Variants in KIF16B observed in about 807,000 individuals in gnomAD.
KIF16B encodes kinesin family member 16B, also known as kinesin-like protein KIF16B.
A neutral mutation model predicts 156.3 loss-of-function variants in KIF16B; 98 were observed. That is an observed-to-expected ratio of 0.63 (90% CI 0.53 to 0.74). KIF16B has a LOEUF of 0.74. Among genes scored for constraint, KIF16B ranks in the 30% least tolerant of loss-of-function variants. The probability of loss-of-function intolerance (pLI) is 0.00; values close to 1 mark genes in which losing one functional copy is unlikely to be tolerated. For missense variants in KIF16B, 1,421 were observed against 1,606.5 expected (o/e 0.88, Z 1.97); for synonymous variants, 564 against 583.7 (o/e 0.97, Z 0.49).
intron 17 of KIF16B, among the ~76,000 whole-genome samples, chr20:16,402,170 T>A (rs1364353006): frequency 2.0e-5 from 3 of 152,122 alleles, no homozygotes; most frequent in Non-Finnish European, 4.4e-5. Context: ...ATTCTCCCCC[T>A]TTCTGTTTTA....
intron 1 of KIF16B, among the ~76,000 whole-genome samples, chr20:16,529,502 T>A (rs2069669005): frequency 6.6e-6 from 1 of 152,196 alleles, no homozygotes; most frequent in Non-Finnish European, 1.5e-5. Flanking sequence ...TTTTTAGTAA[T>A]CATATTTTTG....
chr20:16,536,087 A>G (rs2069950134), intron 1 of KIF16B, among the ~76,000 whole-genome samples: 2 of 152,340 alleles, frequency 1.3e-5, no homozygotes, highest in South Asian at 4.1e-4. Flanking sequence ...TATCAACGTA[A>G]GTGTCCAACA....
intron 25 of KIF16B, among the ~76,000 whole-genome samples, chr20:16,290,105 C>T (rs1330581167): frequency 1.3e-5 from 2 of 152,158 alleles, no homozygotes; most frequent in African/African-American, 4.8e-5. Context: ...TTCAGAGATT[C>T]CTGGCATTTG....
At chr20:16,328,385 G>A (rs1008592907) in intron 24 of KIF16B, among the ~76,000 whole-genome samples, 2 of 152,306 alleles carry the variant, frequency 1.3e-5, no homozygotes, top group East Asian at 3.9e-4. Flanking sequence ...ATGAAGACAA[G>A]CAACATGAAC....
intron 12 of KIF16B, among the ~76,000 whole-genome samples, chr20:16,453,871 T>G (rs942360613): frequency 6.6e-5 from 10 of 152,194 alleles, no homozygotes; most frequent in African/African-American, 2.4e-4. Context: ...TTTGGCAATA[T>G]CTTTCTAAAC....
intron 1 of KIF16B, among the ~76,000 whole-genome samples, chr20:16,538,753 T>C (rs917172876): frequency 1.3e-5 from 2 of 152,228 alleles, no homozygotes; most frequent in East Asian, 3.9e-4. Flanking sequence ...AATCTCATGA[T>C]GAATTGTAAT....
chr20:16,368,449 C>T (rs1172062400), intron 22 of KIF16B: 6 of 986,270 alleles, frequency 6.1e-6, no homozygotes, highest in African/African-American at 1.7e-5. Context: ...AAATGGCAGG[C>T]TTCTGACGAA....
chr20:16,502,575 C>T (rs1322780642), intron 10 of KIF16B, among the ~76,000 whole-genome samples: 5 of 152,040 alleles, frequency 3.3e-5, no homozygotes, highest in Non-Finnish European at 5.9e-5. Flanking sequence ...CTCCCTTAAA[C>T]ACAGCAGTGG....
chr20:16,443,870 G>C (rs6135758), intron 12 of KIF16B, among the ~76,000 whole-genome samples: 2 of 152,284 alleles, frequency 1.3e-5, no homozygotes, highest in South Asian at 4.1e-4. Context: ...ATGTGGCTAA[G>C]GTTATAGAAC....
Position 16,380,020 on chromosome 20 carries a change from C to T in KIF16B, c.1982G>A (p.Arg661His), listed in dbSNP as rs368432617. 3.7e-5 allele frequency: 59 copies of T among 1,599,624 alleles called. No homozygotes were observed. Among genetic ancestry groups the T allele is most frequent in the Middle Eastern group, 3.3e-4 (2 of 5,986 alleles). The change falls in exon 19 of 26, where the codon CGC becomes CAC. Residue 661 changes from arginine (R) to histidine (H), a missense_variant. Arg to His is a conservative substitution (Grantham distance 29). Coordinates refer to ENST00000354981, the MANE Select transcript of KIF16B (RefSeq NM_024704.5). ...TAGCTTGTTCTCGATGTGGAAGCTGCGGCGTTTGAGGCTCTCCTCCTGCTT... is the reference window on the plus strand; with the variant it reads ...TAGCTTGTTCTCGATGTGGAAGCTGTGGCGTTTGAGGCTCTCCTCCTGCTT... The part of the protein sequence containing the change: ...IRKQEESLKR[R>H]SFHIENKLKD...
At chr20:16,388,631 T>C (rs953494533) in intron 17 of KIF16B, among the ~76,000 whole-genome samples, 1 of 152,206 alleles carries the variant, frequency 6.6e-6, no homozygotes, top group African/African-American at 2.4e-5. Context: ...CAACCTATTT[T>C]TTTTTTTAAA....
intron 23 of KIF16B, among the ~76,000 whole-genome samples, chr20:16,341,726 G>T (rs529641308): frequency 1.3e-5 from 2 of 152,308 alleles, no homozygotes; most frequent in South Asian, 4.1e-4. Flanking sequence ...CTCTGGGCTG[G>T]GGCCCAGCAG....
Position 16,506,012 on chromosome 20 carries a change from G to A in KIF16B, c.868+10C>T, listed in dbSNP as rs765522777. On this transcript the variant is annotated intron_variant, in intron 8 of 25. Transcript: ENST00000354981. ...GAAACAGAGGAGGCAGGAGCCAGGC[G>A]TAAGCATACCTAAGGCAGAAATGAC... 84 of 1,613,862 alleles carry A rather than the reference G, an allele frequency of 5.2e-5. No homozygotes were observed. The highest frequency in any genetic ancestry group is 1.6e-4 in the Middle Eastern group (1 of 6,076).
At chr20:16,490,502 T>C (rs1274701089) in intron 12 of KIF16B, among the ~76,000 whole-genome samples, 3 of 151,790 alleles carry the variant, frequency 2.0e-5, no homozygotes, top group Non-Finnish European at 2.9e-5. Flanking sequence ...AATCACACCA[T>C]TGCACTCCAG....
chr20:16,516,865 T>G (rs2069160919), intron 3 of KIF16B, among the ~76,000 whole-genome samples: 1 of 152,190 alleles, frequency 6.6e-6, no homozygotes, highest in Non-Finnish European at 1.5e-5. Flanking sequence ...GAATCCATAT[T>G]CTTCTAAACT....
intron 11 of KIF16B, among the ~76,000 whole-genome samples, chr20:16,494,862 A>G (rs1437104176): frequency 6.6e-6 from 1 of 152,180 alleles, no homozygotes; most frequent in Non-Finnish European, 1.5e-5. Context: ...ATAAAAAAAG[A>G]AAAAAAGGTG....
In KIF16B at chr20:16,524,446, T is replaced by C. The variant is rs558074279; in HGVS notation, c.231+1646A>G. Among the ~76,000 whole-genome samples the C allele has an allele frequency of 7.4e-4, 112 of 152,248 alleles. 1 individual carries two copies. The highest frequency in any genetic ancestry group is 1.4e-3 in the Non-Finnish European group (96 of 68,022). On this transcript the variant is annotated intron_variant, in intron 3 of 25. Transcript: ENST00000354981. The stretch of plus-strand genomic sequence containing the variant: ...AAAAAAGCTCATCATCACTGGTCAT[T>C]AGAGAAATGCAAATCAAAACCACAA...
At chr20:16,376,567 AGAGCCCG>A (rs2064955541) in intron 19 of KIF16B, among the ~76,000 whole-genome samples, 1 of 152,366 alleles carries the variant, frequency 6.6e-6, no homozygotes, top group Admixed American at 6.5e-5. Flanking sequence ...GTCAGAGCAG[AGAGCCCG>A]GAATCCGTCG....
At chr20:16,450,330 C>A (rs1256125073) in intron 12 of KIF16B, among the ~76,000 whole-genome samples, 1 of 152,288 alleles carries the variant, frequency 6.6e-6, no homozygotes, top group South Asian at 2.1e-4. Context: ...AAATAAGCCC[C>A]AACTCTACCA....
Sources: gnomAD v4.1 joint callset for allele counts (sites outside exome capture counted in the v4.1 genomes callset) on GRCh38, gnomAD v4.1.1 for gene constraint, MANE v1.5 for transcripts, NCBI Gene and HGNC (gene_info 2026-07-23, HGNC 2026-07-21) for gene names.